HMGCLL1: variants seen among roughly 807,000 people sequenced by gnomAD.
The protein encoded by HMGCLL1 is 3-hydroxy-3-methylglutaryl-CoA lyase like 1.
In HMGCLL1, 36 loss-of-function variants were observed where a neutral mutation model predicts 39.1. The observed-to-expected ratio is 0.92, with a 90% CI of 0.71 to 1.22. HMGCLL1 has a LOEUF of 1.22. Among genes scored for constraint, HMGCLL1 ranks in the 50% most tolerant of loss-of-function variants. The pLI, the probability that HMGCLL1 is intolerant of heterozygous loss-of-function variation, is 0.00. For missense variants in HMGCLL1, 451 were observed against 416.5 expected (o/e 1.08, Z -0.72); for synonymous variants, 149 against 144.0 (o/e 1.03, Z -0.25).
chr6:55,493,253 T>C (rs2127421944), intron 7 of HMGCLL1, among the ~76,000 whole-genome samples: 2 of 152,230 alleles, frequency 1.3e-5, no homozygotes, highest in Middle Eastern at 6.8e-3. Flanking sequence ...AAGAGATACA[T>C]CCTATTTCTC....
At chr6:55,670,102 A>G in the HMGCLL1 span, among the ~76,000 whole-genome samples, 1 of 151,818 alleles carries the variant, frequency 6.6e-6, no homozygotes, top group Non-Finnish European at 1.5e-5. Flanking sequence ...ATGGTCACAC[A>G]CTCAAAAAGA....
At chr6:55,470,445 A>G (rs562675607) in intron 7 of HMGCLL1, among the ~76,000 whole-genome samples, 3 of 151,948 alleles carry the variant, frequency 2.0e-5, no homozygotes, top group Admixed American at 6.6e-5. Flanking sequence ...AGTTAGCACA[A>G]TGTTTTTTAA....
chr6:55,528,967 C>G (rs1048028451), intron 3 of HMGCLL1, among the ~76,000 whole-genome samples: 2 of 151,984 alleles, frequency 1.3e-5, no homozygotes, highest in Admixed American at 1.3e-4. Flanking sequence ...AAAATAGACC[C>G]AGGCTACCCA....
In HMGCLL1 at chr6:55,435,306, G is replaced by C. The variant is rs1763326269; in HGVS notation, c.*356C>G. ...ATAAACTACTGACAATATGTACACA[G>C]TGTTAAGCCTGCTTGATTAAGTATT... On this transcript the variant is annotated 3_prime_UTR_variant, in exon 9 of 9. Coordinates refer to ENST00000274901, the MANE Select transcript of HMGCLL1 (RefSeq NM_001042406.2). 2 of 174,836 alleles carry C rather than the reference G, an allele frequency of 1.1e-5. No individual in the cohort carries two copies. Among genetic ancestry groups the C allele is most frequent in the Admixed American group, 1.1e-4 (2 of 18,462 alleles). 10.8% of individuals were successfully genotyped at this position (174,836 alleles called of 1,614,324 possible). A position where few individuals can be genotyped will look rare whatever the true frequency, so the allele number is the denominator to read the frequency against.
chr6:55,667,670 A>G, the HMGCLL1 span, among the ~76,000 whole-genome samples: 1 of 151,820 alleles, frequency 6.6e-6, no homozygotes, highest in African/African-American at 2.4e-5. Context: ...AAACATATAT[A>G]ACATTATAAA....
rs780913445 is a variant in HMGCLL1, at chr6:55,439,572, C to A, written c.796-13G>T. ...CATTAATTCCCATCTGGAAAACAAA[C>A]CAAACCACCTAAAGCTTGTGTGTTT... On this transcript the variant is annotated splice_polypyrimidine_tract_variant and intron_variant, in intron 7 of 8. Coordinates refer to ENST00000274901, the MANE Select transcript of HMGCLL1 (RefSeq NM_001042406.2). 5 of 1,611,046 alleles carry A rather than the reference C, an allele frequency of 3.1e-6. No homozygotes were observed. In the South Asian group the frequency reaches 3.3e-5, roughly 11 times the overall value.
intron 7 of HMGCLL1, among the ~76,000 whole-genome samples, chr6:55,475,662 C>A (rs892667502): frequency 1.3e-5 from 2 of 151,562 alleles, no homozygotes; most frequent in South Asian, 4.1e-4. Flanking sequence ...TGTAATATAG[C>A]CTGTTTATCA....
At chr6:55,625,166 G>A in the HMGCLL1 span, among the ~76,000 whole-genome samples, 1 of 152,212 alleles carries the variant, frequency 6.6e-6, no homozygotes, top group South Asian at 2.1e-4. Context: ...TTGAGAGATA[G>A]CTCCTGGCCT....
At chr6:55,627,867 C>T in the HMGCLL1 span, among the ~76,000 whole-genome samples, 1 of 63,742 alleles carries the variant, frequency 1.6e-5, no homozygotes, top group East Asian at 3.5e-4. Flanking sequence ...TAAGTTAATA[C>T]TTAATAAACT....
the HMGCLL1 span, among the ~76,000 whole-genome samples, chr6:55,595,316 C>G: frequency 6.6e-6 from 1 of 152,056 alleles, no homozygotes; most frequent in African/African-American, 2.4e-5. Context: ...TCTAAATAAA[C>G]GCTGTCAAAT....
At chr6:55,589,475 C>T in the HMGCLL1 span, among the ~76,000 whole-genome samples, 1 of 152,088 alleles carries the variant, frequency 6.6e-6, no homozygotes, top group African/African-American at 2.4e-5. Context: ...GGAAGCATTC[C>T]CTTTGAAAAC....
intron 1 of HMGCLL1, among the ~76,000 whole-genome samples, chr6:55,570,730 G>T (rs754998597): frequency 1.3e-5 from 2 of 152,140 alleles, no homozygotes; most frequent in Non-Finnish European, 2.9e-5. Flanking sequence ...CATAAAAGGG[G>T]CTTATTATTT....
chr6:55,588,672 G>A, the HMGCLL1 span, among the ~76,000 whole-genome samples: 1 of 151,908 alleles, frequency 6.6e-6, no homozygotes, highest in African/African-American at 2.4e-5. Context: ...GACTAATAAA[G>A]AAGAAAAGAG....
At chr6:55,447,591 A>G (rs1301092753) in intron 7 of HMGCLL1, among the ~76,000 whole-genome samples, 1 of 151,950 alleles carries the variant, frequency 6.6e-6, no homozygotes, top group Admixed American at 6.6e-5. Flanking sequence ...GAAGTAAGGA[A>G]AAAAAAAGCA....
the HMGCLL1 span, among the ~76,000 whole-genome samples, chr6:55,669,956 T>C: frequency 1.3e-5 from 2 of 151,854 alleles, no homozygotes; most frequent in East Asian, 1.9e-4. Flanking sequence ...GCTAAAAATG[T>C]TCTAAATTTG....
At chr6:55,607,522 C>T in the HMGCLL1 span, among the ~76,000 whole-genome samples, 2 of 152,082 alleles carry the variant, frequency 1.3e-5, no homozygotes, top group Admixed American at 6.6e-5. Context: ...GAGCTGCAGG[C>T]CACCTCAACC....
At chr6:55,547,191 T>C (rs1174300538) in intron 1 of HMGCLL1, among the ~76,000 whole-genome samples, 1 of 152,040 alleles carries the variant, frequency 6.6e-6, no homozygotes, top group Non-Finnish European at 1.5e-5. Flanking sequence ...AAAATAATAA[T>C]GAATCATTCT....
chr6:55,527,017 T>C (rs7744273), intron 3 of HMGCLL1, among the ~76,000 whole-genome samples: 103,223 of 151,858 alleles, frequency 0.68, 35,129 homozygotes, highest in Admixed American at 0.72. Context: ...GTGCAAAAGC[T>C]GGGCAGGGAC....
chr6:55,662,025 G>A, the HMGCLL1 span, among the ~76,000 whole-genome samples: 6 of 151,688 alleles, frequency 4.0e-5, no homozygotes, highest in African/African-American at 4.8e-5. Flanking sequence ...AATGATTTTC[G>A]TATGTTGATT....
Sources: allele counts gnomAD v4.1 joint callset (sites outside exome capture counted in the v4.1 genomes callset), GRCh38; gene constraint gnomAD v4.1.1; transcripts MANE v1.5; gene names NCBI Gene and HGNC (gene_info 2026-07-23, HGNC 2026-07-21).